Variants in LINC00305 observed in about 807,000 individuals in gnomAD.
The protein encoded by LINC00305 is long intergenic non-protein coding RNA 305.
chr18:64,128,918 C>T (rs2051397240), intron 1 of LINC00305, among the ~76,000 whole-genome samples: 1 of 152,054 alleles, frequency 6.6e-6, no homozygotes, highest in Non-Finnish European at 1.5e-5. Flanking sequence ...TAAATATTGT[C>T]CCTGAAATGA....
chr18:64,083,458 A>G (rs1201409965), intron 3 of LINC00305, among the ~76,000 whole-genome samples: 1 of 152,236 alleles, frequency 6.6e-6, no homozygotes, highest in East Asian at 1.9e-4. Context: ...ATACGCATTT[A>G]AACTCTATAG....
At chr18:64,143,740 A>G (rs1361447198) in intron 1 of LINC00305, among the ~76,000 whole-genome samples, 1 of 70,844 alleles carries the variant, frequency 1.4e-5, no homozygotes, top group African/African-American at 5.4e-5. Context: ...ATGTCCACAT[A>G]TTATGCGTAC....
intron 1 of LINC00305, among the ~76,000 whole-genome samples, chr18:64,104,493 A>G (rs1416118144): frequency 3.3e-5 from 5 of 152,188 alleles, no homozygotes; most frequent in Non-Finnish European, 7.3e-5. Context: ...ACCTTAATCA[A>G]TTACCATTCT....
At chr18:64,106,392 C>A (rs1243148427) in intron 1 of LINC00305, among the ~76,000 whole-genome samples, 2 of 152,152 alleles carry the variant, frequency 1.3e-5, no homozygotes, top group African/African-American at 4.8e-5. Context: ...CTGCTCCTGG[C>A]TATTTCACTC....
chr18:64,105,406 A>C (rs1167375031), intron 1 of LINC00305, among the ~76,000 whole-genome samples: 3 of 152,184 alleles, frequency 2.0e-5, no homozygotes, highest in Non-Finnish European at 2.9e-5. Context: ...GGTTACAGTG[A>C]ACTGATTGTA....
At chr18:64,141,227 G>A (rs2051461627) in intron 1 of LINC00305, among the ~76,000 whole-genome samples, 1 of 151,938 alleles carries the variant, frequency 6.6e-6, no homozygotes, top group Non-Finnish European at 1.5e-5. Context: ...TTTGAGTATG[G>A]ACGAATAAAG....
chr18:64,097,768 T>C lies in LINC00305; in HGVS notation n.540+66A>G, dbSNP rs1442544537. The C allele has an allele frequency of 7.2e-6, 3 of 417,452 alleles. No individual in the cohort carries two copies. The Admixed American group carries it at 8.3e-5, about 12-fold the overall frequency. 25.9% of individuals were successfully genotyped at this position (417,452 alleles called of 1,614,324 possible). A position where few individuals can be genotyped will look rare whatever the true frequency, so the allele number is the denominator to read the frequency against. ...CTCATATTGAATACTAATAAAAAAGTAGCCATGGAAACATTCCTTTATAAT... is the reference window on the plus strand; with the variant it reads ...CTCATATTGAATACTAATAAAAAAGCAGCCATGGAAACATTCCTTTATAAT... On this transcript the variant is annotated intron_variant and non_coding_transcript_variant, in intron 3 of 3. Coordinates refer to ENST00000666468, the Ensembl canonical transcript of LINC00305.
At chr18:64,132,849 G>A (rs909404328) in intron 1 of LINC00305, among the ~76,000 whole-genome samples, 1 of 152,156 alleles carries the variant, frequency 6.6e-6, no homozygotes, top group Non-Finnish European at 1.5e-5. Context: ...CTCTCTGGGT[G>A]GCTTCTGCCT....
At chr18:64,103,316 T>C (rs980885490) in intron 1 of LINC00305, among the ~76,000 whole-genome samples, 1 of 151,240 alleles carries the variant, frequency 6.6e-6, no homozygotes, top group Non-Finnish European at 1.5e-5. Context: ...GATTCCACTG[T>C]TGAACTGAAA....
chr18:64,085,439 G>T (rs2144891682), intron 3 of LINC00305, among the ~76,000 whole-genome samples: 1 of 150,302 alleles, frequency 6.7e-6, no homozygotes, highest in South Asian at 2.1e-4. Context: ...TGTATGTTGT[G>T]TTACTCTAAT....
chr18:64,088,647 T>G (rs2051213375), intron 3 of LINC00305, among the ~76,000 whole-genome samples: 1 of 152,246 alleles, frequency 6.6e-6, no homozygotes, highest in African/African-American at 2.4e-5. Context: ...CCCATGAGAC[T>G]GTAAGTTCCT....
rs189737742 is a variant in LINC00305 at position 64,146,363 on chromosome 18, T to C, written n.314+2412A>G. ...TTTAAAACTGTAACCGTATTTTATG[T>C]AGTTGGACTTTGTATGTGTGTGTGT... On this transcript the variant is annotated intron_variant and non_coding_transcript_variant, in intron 1 of 3. Transcript: ENST00000666468. Among the ~76,000 whole-genome samples, 18 of 152,324 alleles carry C rather than the reference T, an allele frequency of 1.2e-4. No individual in the cohort carries two copies. The East Asian group carries it at 3.5e-3, about 29-fold the overall frequency.
intron 1 of LINC00305, among the ~76,000 whole-genome samples, chr18:64,128,257 G>T (rs1010270030): frequency 1.3e-5 from 2 of 152,114 alleles, no homozygotes; most frequent in African/African-American, 4.8e-5. Flanking sequence ...CTTGTGCAAT[G>T]TAGAAAGAGC....
At chr18:64,086,463 TAGAG>T (rs1317932174) in intron 3 of LINC00305, among the ~76,000 whole-genome samples, 3 of 152,124 alleles carry the variant, frequency 2.0e-5, no homozygotes, top group African/African-American at 4.8e-5. Context: ...AAAAAACAAA[TAGAG>T]AATTTCTTGA....
At chr18:64,134,978 T>C (rs1034254801) in intron 1 of LINC00305, among the ~76,000 whole-genome samples, 11 of 152,264 alleles carry the variant, frequency 7.2e-5, no homozygotes, top group African/African-American at 2.2e-4. Flanking sequence ...GTACCACAAG[T>C]TGGGGAACTT....
chr18:64,107,590 A>G (rs574937445), intron 1 of LINC00305, among the ~76,000 whole-genome samples: 4 of 152,340 alleles, frequency 2.6e-5, no homozygotes, highest in African/African-American at 9.6e-5. Context: ...TCCTCTGCAC[A>G]TGTGTTCCAG....
At chr18:64,125,701 T>C (rs2051382048) in intron 1 of LINC00305, among the ~76,000 whole-genome samples, 1 of 152,112 alleles carries the variant, frequency 6.6e-6, no homozygotes, top group Non-Finnish European at 1.5e-5. Flanking sequence ...AGTCTGATAC[T>C]TATTACCTTG....
intron 1 of LINC00305, among the ~76,000 whole-genome samples, chr18:64,132,462 G>A (rs550852060): frequency 1.8e-4 from 28 of 152,144 alleles, no homozygotes; most frequent in African/African-American, 3.4e-4. Flanking sequence ...GCGCTCTGCC[G>A]AATTCCGTAC....
intron 1 of LINC00305, among the ~76,000 whole-genome samples, chr18:64,138,416 A>G (rs929779524): frequency 1.3e-5 from 2 of 152,262 alleles, no homozygotes; most frequent in African/African-American, 4.8e-5. Context: ...GTCAGTGGAC[A>G]CAAGTGAGAA....
Sources: allele counts gnomAD v4.1 joint callset (sites outside exome capture counted in the v4.1 genomes callset), GRCh38; gene constraint gnomAD v4.1.1; transcripts MANE v1.5; gene names NCBI Gene and HGNC (gene_info 2026-07-23, HGNC 2026-07-21).